Variants in PCSK1 observed in about 807,000 individuals in gnomAD.
PCSK1 encodes the protein neuroendocrine convertase 1.
PCSK1 carries 56 observed loss-of-function variants against 90.6 expected under a neutral mutation model. The observed-to-expected ratio is 0.62, with a 90% CI of 0.50 to 0.77. The LOEUF is 0.77. PCSK1 is among the 30% of genes least tolerant of loss of function. The pLI, the probability that PCSK1 is intolerant of heterozygous loss-of-function variation, is 0.00. For synonymous variants in PCSK1, 348 were observed against 342.4 expected, an observed-to-expected ratio of 1.02 and a Z score of -0.18; for missense variants, 801 against 932.6, an observed-to-expected ratio of 0.86 and a Z score of 1.84.
chr5:96,398,157 A>G (rs1054279000), intron 11 of PCSK1, among the ~76,000 whole-genome samples: 1 of 152,210 alleles, frequency 6.6e-6, no homozygotes, highest in African/African-American at 2.4e-5. Context: ...TCTAGAAAGC[A>G]TAACTTCAAA....
intron 9 of PCSK1, among the ~76,000 whole-genome samples, chr5:96,404,008 C>T (rs1315021174): frequency 5.9e-5 from 9 of 152,128 alleles, no homozygotes; most frequent in African/African-American, 2.2e-4. Flanking sequence ...TATTCTGATT[C>T]TTTTGATCTC....
Position 96,408,223 on chromosome 5 carries a change from T to C in PCSK1, c.1196A>G (p.Asn399Ser). The change falls in exon 9 of 14, where the codon AAC (asparagine) becomes AGC (serine). Residue 399 changes from asparagine to serine, a missense_variant and splice_region_variant. By Grantham distance (46) the Asn-to-Ser change is conservative (BLOSUM62 1). Coordinates refer to ENST00000311106, the MANE Select transcript of PCSK1 (RefSeq NM_000439.5). ...AGIFALALEANPNLTWRDMQH... is the reference protein window; with the variant it reads ...AGIFALALEASPNLTWRDMQH... ...TGATTAGAAGCTTTCTGGGCCTTACTTTGCTTCCAGGGCCAGAGCGAAGAT... is the reference window on the plus strand; with the variant it reads ...TGATTAGAAGCTTTCTGGGCCTTACCTTGCTTCCAGGGCCAGAGCGAAGAT... The C allele has an allele frequency of 6.2e-7, 1 of 1,611,294 alleles. No individual in the cohort carries two copies. The highest frequency in any genetic ancestry group is 1.1e-5 in the South Asian group (1 of 91,000).
At chr5:96,418,464 T>C (rs999380832) in intron 5 of PCSK1, among the ~76,000 whole-genome samples, 6 of 152,236 alleles carry the variant, frequency 3.9e-5, no homozygotes, top group Non-Finnish European at 8.8e-5. Context: ...TACAGATTTA[T>C]GCCAGCTTAA....
intron 5 of PCSK1, among the ~76,000 whole-genome samples, chr5:96,417,463 A>G (rs186672899): frequency 6.6e-6 from 1 of 151,900 alleles, no homozygotes; most frequent in Admixed American, 6.6e-5. Context: ...CTCTCAGACA[A>G]CTTTCAAGGA....
rs1209403802 is a variant in PCSK1 at position 96,399,931 on chromosome 5, TAAA to T, written c.1430+19_1430+21del. The T allele has an allele frequency of 3.8e-6, 6 of 1,570,514 alleles. No individual in the cohort carries two copies. Among genetic ancestry groups the T allele is most frequent in the Middle Eastern group, 1.7e-4 (1 of 6,006 alleles). ...ATTATGCCATGGGCACACATGTGTT[TAAA>T]ATTCCAGGAGATACTTACCTGGGCT... On this transcript the variant is annotated intron_variant, in intron 10 of 13. Coordinates refer to ENST00000311106, the MANE Select transcript of PCSK1 (RefSeq NM_000439.5).
chr5:96,402,253 T>A (rs749170790), intron 9 of PCSK1, among the ~76,000 whole-genome samples: 4 of 152,122 alleles, frequency 2.6e-5, no homozygotes, highest in Admixed American at 1.3e-4. Context: ...ATTTCAAAGG[T>A]CTTACCTGGC....
At position 96,400,584 on chromosome 5, in the gene PCSK1, C is replaced by T. The variant is rs113508749; in HGVS notation, c.1197-398G>A. On this transcript the variant is annotated intron_variant, in intron 9 of 13. Coordinates refer to ENST00000311106, the MANE Select transcript of PCSK1 (RefSeq NM_000439.5). ...CCATTAAAAGCCTTAGCACTTTCAG[C>T]ATTATGAACCCACAGACGAGGCCTT... is the stretch of plus-strand genomic sequence containing the variant. Among the ~76,000 whole-genome samples, 1,453 of 152,326 alleles carry T rather than the reference C, an allele frequency of 9.5e-3. 29 individuals are homozygous for T. The highest frequency in any genetic ancestry group is 0.034 in the African/African-American group (1,406 of 41,552).
chr5:96,423,292 C>T lies in PCSK1; in HGVS notation c.543+21G>A, dbSNP rs759522539. On this transcript the variant is annotated intron_variant, in intron 4 of 13. Coordinates refer to ENST00000311106, the MANE Select transcript of PCSK1 (RefSeq NM_000439.5). ...CACAGACAGCTCCCTAAGTCACAGT[C>T]ATGAGAAGGCACACACTTACATAGT... 3 of 1,597,010 alleles carry T rather than the reference C, an allele frequency of 1.9e-6. No homozygotes were observed. The East Asian group carries it at 6.8e-5, about 36-fold the overall frequency.
chr5:96,422,101 G>A (rs545210874), intron 4 of PCSK1, 145 bp from the exon 5 acceptor site: 28 of 660,570 alleles, frequency 4.2e-5, no homozygotes, highest in South Asian at 1.2e-4. Flanking sequence ...GTTTCTGGCC[G>A]AGTCACTGAA....
At chr5:96,412,964 C>CAGG in intron 6 of PCSK1, 1 of 1,009,936 alleles carries the variant, frequency 9.9e-7, no homozygotes, top group Non-Finnish European at 1.2e-6. Context: ...GGTGATGCAC[C>CAGG]TCCTCATGGC....
chr5:96,419,553 A>T (rs1332197584), intron 5 of PCSK1, among the ~76,000 whole-genome samples: 1 of 151,394 alleles, frequency 6.6e-6, no homozygotes, highest in Non-Finnish European at 1.5e-5. Context: ...TTTCCTCAAG[A>T]TCACCCAACT....
At chr5:96,428,347 A>T (rs1474952970) in intron 2 of PCSK1, among the ~76,000 whole-genome samples, 2 of 152,174 alleles carry the variant, frequency 1.3e-5, no homozygotes, top group East Asian at 3.9e-4. Flanking sequence ...GTCCTAGGTA[A>T]CAAAAATTAT....
chr5:96,429,173 A>C (rs1761411024), intron 2 of PCSK1, 40 bp downstream of exon 2: 2 of 1,009,760 alleles, frequency 2.0e-6, no homozygotes, highest in Non-Finnish European at 3.2e-6. Context: ...AAAGCAGATA[A>C]GCTAGAGTAT....
chr5:96,432,183 T>G, intron 1 of PCSK1: 1 of 1,506,790 alleles, frequency 6.6e-7, no homozygotes, highest in East Asian at 2.5e-5. Flanking sequence ...AAGCTTGGAC[T>G]TTATAAGTTC....
At chr5:96,417,096 C>T (rs75698460) in intron 5 of PCSK1, among the ~76,000 whole-genome samples, 3,069 of 152,220 alleles carry the variant, frequency 0.02, 119 homozygotes, top group African/African-American at 0.071. Flanking sequence ...AGGGTTAGCT[C>T]GGAGCAATAA....
Position 96,423,397 on chromosome 5 carries a change from T to C in PCSK1, c.459A>G (p.Gln153=), listed in dbSNP as rs1305670246. ...CAACTCCTTTGCCCGTAATGCCTTT[T>C]TGCCAAACAGGTATCACATGAAGGT... ...KLDLHVIPVW[Q]KGITGKGVVI... The change falls in exon 4 of 14, where the codon CAA becomes CAG. Residue 153 remains glutamine, a synonymous_variant. Coordinates refer to ENST00000311106, the MANE Select transcript of PCSK1 (RefSeq NM_000439.5). 1.9e-6 allele frequency: 3 copies of C among 1,614,098 alleles called. No individual in the cohort carries two copies. Among genetic ancestry groups the C allele is most frequent in the South Asian group, 2.2e-5 (2 of 91,070 alleles).
At chr5:96,426,025 A>G in intron 2 of PCSK1, 95 bp from the exon 3 acceptor site, 1 of 745,006 alleles carries the variant, frequency 1.3e-6, no homozygotes, top group South Asian at 1.5e-5. Flanking sequence ...ATCAGAGTTC[A>G]GGCAGCTCTG....
At chr5:96,432,262 T>C in intron 1 of PCSK1, 1 of 761,340 alleles carries the variant, frequency 1.3e-6, no homozygotes, top group Non-Finnish European at 2.1e-6. Flanking sequence ...ACCCACCATT[T>C]CTCCCCCCAG....
chr5:96,430,769 G>T (rs1477194136), intron 1 of PCSK1, among the ~76,000 whole-genome samples: 1 of 152,106 alleles, frequency 6.6e-6, no homozygotes, highest in African/African-American at 2.4e-5. Flanking sequence ...AACTAAAAAT[G>T]GTTAGAGGAA....
Sources: gnomAD v4.1 joint callset for allele counts (sites outside exome capture counted in the v4.1 genomes callset) on GRCh38, gnomAD v4.1.1 for gene constraint, MANE v1.5 for transcripts, NCBI Gene and HGNC (gene_info 2026-07-23, HGNC 2026-07-21) for gene names.